C10orf143: variants seen among roughly 807,000 people sequenced by gnomAD.
The protein encoded by C10orf143 is chromosome 10 open reading frame 143.
chr10:130,057,647 C>G (rs1590010113), intron 3 of C10orf143, among the ~76,000 whole-genome samples: 1 of 148,666 alleles, frequency 6.7e-6, no homozygotes, highest in East Asian at 2.0e-4. Context: ...GGGAAGGGGG[C>G]TTCACAACAG....
intron 3 of C10orf143, among the ~76,000 whole-genome samples, chr10:130,037,162 G>A (rs1658287160): frequency 6.6e-6 from 1 of 152,216 alleles, no homozygotes; most frequent in African/African-American, 2.4e-5. Context: ...GGACCAAGGG[G>A]ACAGGGCGAT....
In C10orf143 at chr10:130,037,298, G is replaced by C. The variant is rs918461013; in HGVS notation, c.298-1328C>G. ...AGAACACTTTTAACTAAGCACTGCCGCTTTCCTCCGGCTGACTTCACCCAG... is the reference window on the plus strand; with the variant it reads ...AGAACACTTTTAACTAAGCACTGCCCCTTTCCTCCGGCTGACTTCACCCAG... On this transcript the variant is annotated intron_variant and NMD_transcript_variant, in intron 3 of 5. Coordinates refer to the C10orf143 transcript ENST00000643056. Among the ~76,000 whole-genome samples the C allele has an allele frequency of 5.3e-5, 8 of 152,304 alleles. No individual in the cohort carries two copies. The South Asian group carries it at 1.7e-3, about 32-fold the overall frequency.
At chr10:130,067,538 G>A (rs528552703) in intron 3 of C10orf143, 65 of 152,284 alleles carry the variant, frequency 4.3e-4, no homozygotes, top group African/African-American at 1.6e-3. Flanking sequence ...GCCCTCTGTG[G>A]GTTAAAGATG....
At chr10:130,054,373 G>A (rs1037094587) in intron 3 of C10orf143, among the ~76,000 whole-genome samples, 1 of 152,178 alleles carries the variant, frequency 6.6e-6, no homozygotes, top group African/African-American at 2.4e-5. Flanking sequence ...TAAAGACTGA[G>A]TAATATTCCA....
intron 3 of C10orf143, among the ~76,000 whole-genome samples, chr10:130,053,347 A>C (rs1379120115): frequency 6.6e-6 from 1 of 152,262 alleles, no homozygotes; most frequent in Admixed American, 6.5e-5. Flanking sequence ...CTGGGATTAC[A>C]GGCGTGAGCC....
chr10:130,054,738 A>C (rs1299023681), intron 3 of C10orf143, among the ~76,000 whole-genome samples: 1 of 152,168 alleles, frequency 6.6e-6, no homozygotes, highest in Non-Finnish European at 1.5e-5. Context: ...TTTGATTTGC[A>C]ATGCCCTGAT....
rs1035930467 is a variant in C10orf143 at position 130,056,573 on chromosome 10, T to A, written c.298-20603A>T. ...GAGTTTTTTATTTCTTTCATTTTTTTAAATTAAATTAAATCTATTTTATTT... is the reference window on the plus strand; with the variant it reads ...GAGTTTTTTATTTCTTTCATTTTTTAAAATTAAATTAAATCTATTTTATTT... On this transcript the variant is annotated intron_variant and NMD_transcript_variant, in intron 3 of 5. Coordinates refer to the C10orf143 transcript ENST00000643056. The surrounding 1 kb of genome is among the most constrained non-coding windows in gnomAD (Gnocchi z 4.6). Among the ~76,000 whole-genome samples, 6 of 152,212 alleles carry A rather than the reference T, an allele frequency of 3.9e-5. No individual in the cohort carries two copies. Among genetic ancestry groups the A allele is most frequent in the African/African-American group, 1.2e-4 (5 of 41,446 alleles).
In C10orf143 at chr10:130,087,750, T is replaced by C. The variant is rs1455700550; in HGVS notation, c.70-7849A>G. On this transcript the variant is annotated intron_variant, in intron 1 of 3. Coordinates refer to ENST00000637128, the MANE Select transcript of C10orf143 (RefSeq NM_001355042.2). ...GTGCTGAGAAGAGCCAGCCCTTATA[T>C]GAACCAGACAGGGGACATCTCCCCA... 2.0e-5 allele frequency among the ~76,000 whole-genome samples: 3 copies of C among 152,190 alleles called. No homozygotes were observed. In the East Asian group the frequency reaches 5.8e-4, roughly 29 times the overall value.
intron 3 of C10orf143, among the ~76,000 whole-genome samples, chr10:130,073,412 C>G (rs1861064143): frequency 6.6e-6 from 1 of 152,186 alleles, no homozygotes; most frequent in African/African-American, 2.4e-5. Context: ...AAACTTTATG[C>G]AAGGATCCAA....
chr10:130,045,985 C>T (rs1044811234), intron 3 of C10orf143, among the ~76,000 whole-genome samples: 1 of 151,898 alleles, frequency 6.6e-6, no homozygotes, highest in Non-Finnish European at 1.5e-5. Flanking sequence ...CAGGGTGGGG[C>T]TCTGGGCATG....
intron 3 of C10orf143, 47 bp downstream of exon 3, chr10:130,079,516 TAAG>T: frequency 2.5e-6 from 1 of 398,968 alleles, no homozygotes; most frequent in Non-Finnish European, 4.4e-6. Flanking sequence ...ATCTAATATT[TAAG>T]AAGAAGTCTA....
intron 3 of C10orf143, among the ~76,000 whole-genome samples, chr10:130,044,294 G>T (rs1381936768): frequency 6.6e-6 from 1 of 152,176 alleles, no homozygotes; most frequent in Non-Finnish European, 1.5e-5. Context: ...AACTGGAGGT[G>T]AGATCCCCTG....
chr10:130,090,929 T>C (rs991023123), intron 1 of C10orf143, among the ~76,000 whole-genome samples: 1 of 152,184 alleles, frequency 6.6e-6, no homozygotes, highest in Non-Finnish European at 1.5e-5. Flanking sequence ...CAGGGGCTTA[T>C]AGATAAAATT....
downstream of C10orf143, among the ~76,000 whole-genome samples, chr10:130,060,022 C>A (rs1275903982): frequency 6.6e-6 from 1 of 151,374 alleles, no homozygotes; most frequent in Non-Finnish European, 1.5e-5. Context: ...CAGTCATATT[C>A]TGTCTGGTAT....
chr10:130,067,586 A>AT (rs1237994871), intron 3 of C10orf143: 1 of 152,268 alleles, frequency 6.6e-6, no homozygotes, highest in East Asian at 1.9e-4. Context: ...CAGAGGAGTC[A>AT]TTTTTTCTTC....
intron 1 of C10orf143, among the ~76,000 whole-genome samples, chr10:130,091,800 C>T (rs902847977): frequency 6.6e-6 from 1 of 150,868 alleles, no homozygotes. Context: ...ATCGACCAAG[C>T]CAAAGAAAGG....
At chr10:130,102,018 A>G (rs1564970506) in intron 1 of C10orf143, among the ~76,000 whole-genome samples, 1 of 151,952 alleles carries the variant, frequency 6.6e-6, no homozygotes, top group Non-Finnish European at 1.5e-5. Flanking sequence ...TGTGATCCCA[A>G]CACTTTGGGA....
rs908058144 is a variant in C10orf143, at chr10:130,064,285, T to G, written c.*69A>C. 2.5e-6 allele frequency: 1 copy of G among 398,126 alleles called. No homozygotes were observed. Among genetic ancestry groups the G allele is most frequent in the African/African-American group, 2.1e-5 (1 of 48,612 alleles). The allele number at this position is 398,126 out of a possible 1,614,324, so 24.7% of individuals were successfully genotyped here. A position where few individuals can be genotyped will look rare whatever the true frequency, so the allele number is the denominator to read the frequency against. ...AGTCCCCAAACCCATCTGTAGGAGA[T>G]TCACATTTGCTGCAACATGAAGGGT... On this transcript the variant is annotated 3_prime_UTR_variant, in exon 4 of 4. Transcript: ENST00000637128.
intron 1 of C10orf143, among the ~76,000 whole-genome samples, chr10:130,082,462 G>A (rs544870378): frequency 2.6e-5 from 4 of 152,080 alleles, no homozygotes; most frequent in South Asian, 2.1e-4. Context: ...ACATGTTGTG[G>A]GAGGGACCCA....
Sources: allele counts gnomAD v4.1 joint callset (sites outside exome capture counted in the v4.1 genomes callset), GRCh38; gene constraint gnomAD v4.1.1; non-coding constraint Gnocchi (gnomAD v3.1); transcripts MANE v1.5; gene names NCBI Gene and HGNC (gene_info 2026-07-23, HGNC 2026-07-21).